The following LRP6 variants were observed in gnomAD, a reference collection of about 807,000 sequenced individuals.
The protein encoded by LRP6 is LDL receptor related protein 6.
Under a neutral mutation model 184.1 loss-of-function variants are expected in LRP6, and 43 were observed. The observed-to-expected ratio is 0.23, with a 90% CI of 0.18 to 0.30. The LOEUF is 0.30. LRP6 is among the 10% of genes least tolerant of loss of function. The pLI, the probability that LRP6 is intolerant of heterozygous loss-of-function variation, is 1.00. For synonymous variants in LRP6, 719 were observed against 684.9 expected (o/e 1.05, Z -0.78); for missense variants, 1,571 against 2,005.3 (o/e 0.78, Z 4.14).
chr12:12,169,281 G>T (rs1226702560), intron 7 of LRP6, among the ~76,000 whole-genome samples: 1 of 151,694 alleles, frequency 6.6e-6, no homozygotes, highest in Non-Finnish European at 1.5e-5. Flanking sequence ...CCCGCAGTGT[G>T]GGACAGACTA....
intron 16 of LRP6, 130 bp from the exon 17 acceptor site, chr12:12,135,430 CT>C (rs893672913): frequency 7.0e-4 from 340 of 485,122 alleles, no homozygotes; most frequent in Non-Finnish European, 7.8e-4. Flanking sequence ...AGCTTGGACT[CT>C]TTTTTTTTAC....
At chr12:12,167,663 G>A (rs1222395998) in intron 7 of LRP6, among the ~76,000 whole-genome samples, 3 of 151,006 alleles carry the variant, frequency 2.0e-5, no homozygotes, top group Non-Finnish European at 3.0e-5. Flanking sequence ...AAGGGACAGC[G>A]CCACTGCCAT....
chr12:12,230,521 C>G (rs1352348943), intron 2 of LRP6, among the ~76,000 whole-genome samples: 1 of 151,918 alleles, frequency 6.6e-6, no homozygotes, highest in Non-Finnish European at 1.5e-5. Context: ...AACTAAGTGA[C>G]CCAGATCTAT....
rs2160525 is a variant in LRP6 at position 12,117,356 on chromosome 12, A to G, written c.*3770T>C. 124,800 of 152,142 alleles carry G rather than the reference A, an allele frequency of 0.82. 51,308 individuals are homozygous for G. The highest frequency in any genetic ancestry group is 0.94 in the East Asian group (4,854 of 5,188). The allele number at this position is 152,142 out of a possible 1,614,324, so 9.4% of individuals were successfully genotyped here. A position where few individuals can be genotyped will look rare whatever the true frequency, so the allele number is the denominator to read the frequency against. ...TCAACACACTCATATCCATACTCTAAATCAACTATGGATGCCATATGTAGA... is the reference window on the plus strand; with the variant it reads ...TCAACACACTCATATCCATACTCTAGATCAACTATGGATGCCATATGTAGA... On this transcript the variant is annotated 3_prime_UTR_variant, in exon 23 of 23. Coordinates refer to ENST00000261349, the MANE Select transcript of LRP6 (RefSeq NM_002336.3).
intron 12 of LRP6, chr12:12,155,502 A>C: frequency 1.2e-6 from 1 of 811,514 alleles, no homozygotes; most frequent in Non-Finnish European, 2.2e-6. Flanking sequence ...AAAAAAGTTA[A>C]GGGCAAGATT....
intron 18 of LRP6, 28 bp downstream of exon 18, chr12:12,131,793 T>G (rs766249701): frequency 6.3e-7 from 1 of 1,576,136 alleles, no homozygotes. Context: ...AAGGATTGCA[T>G]GCTGAGGCAC....
chr12:12,213,428 A>T (rs2137064446), intron 2 of LRP6, among the ~76,000 whole-genome samples: 1 of 152,160 alleles, frequency 6.6e-6, no homozygotes, highest in African/African-American at 2.4e-5. Context: ...ATTAATTTGT[A>T]TGCACTTTTT....
chr12:12,163,142 AT>A (rs1329983552), intron 9 of LRP6, among the ~76,000 whole-genome samples: 55 of 151,782 alleles, frequency 3.6e-4, no homozygotes, highest in African/African-American at 1.2e-3. Context: ...TGACCAGCTA[AT>A]TTTTGTATTT....
At chr12:12,155,278 G>A in intron 12 of LRP6, 1 of 749,292 alleles carries the variant, frequency 1.3e-6, no homozygotes, top group Non-Finnish European at 2.4e-6. Flanking sequence ...AACACAAAGG[G>A]AAAGAGGAGA....
chr12:12,155,309 TAGGCCTTTTAGAA>T, intron 12 of LRP6: 1 of 756,504 alleles, frequency 1.3e-6, no homozygotes, highest in Non-Finnish European at 2.4e-6. Flanking sequence ...ACGTGTTCTC[TAGGCCTTTTAGAA>T]AGCATGGAGT....
At position 12,266,683 on chromosome 12, in the gene LRP6, C is replaced by G; in HGVS notation, c.53G>C (p.Arg18Thr). The G allele has an allele frequency of 6.2e-7, 1 of 1,613,558 alleles. No homozygotes were observed. Among genetic ancestry groups the G allele is most frequent in the Non-Finnish European group, 8.5e-7 (1 of 1,179,802 alleles). The change falls in exon 1 of 23, where the codon AGA becomes ACA. Residue 18 changes from arginine (R) to threonine (T), a missense_variant and splice_region_variant. Arg to Thr is a moderately conservative substitution (Grantham distance 71). Coordinates refer to ENST00000261349, the MANE Select transcript of LRP6 (RefSeq NM_002336.3). ...LLACSFCVLLRAAPLLLYANR... is the reference protein window; with the variant it reads ...LLACSFCVLLTAAPLLLYANR... ...TCCAGTGCCCCCACTCTTCCCACCT[C>G]TCAGGAGCACACAGAAGCTGCAGGC...
chr12:12,223,055 C>G (rs1864531927), intron 2 of LRP6, among the ~76,000 whole-genome samples: 1 of 151,898 alleles, frequency 6.6e-6, no homozygotes, highest in Non-Finnish European at 1.5e-5. Flanking sequence ...AATCATCCTC[C>G]CAGACTATGT....
At position 12,186,634 on chromosome 12, in the gene LRP6, T is replaced by C. The variant is rs111972109; in HGVS notation, c.844+289A>G. Among the ~76,000 whole-genome samples, 5,817 of 149,374 alleles carry C rather than the reference T, an allele frequency of 0.039. 368 individuals are homozygous for C. Among genetic ancestry groups the C allele is most frequent in the African/African-American group, 0.14 (5,537 of 40,614 alleles). ...ACCTCATATGATCTGCCTGCTTCAGTCTCCCAAAGTGCTGGGATTTTAACT... is the reference window on the plus strand; with the variant it reads ...ACCTCATATGATCTGCCTGCTTCAGCCTCCCAAAGTGCTGGGATTTTAACT... On this transcript the variant is annotated intron_variant, in intron 4 of 22. Transcript: ENST00000261349.
intron 12 of LRP6, among the ~76,000 whole-genome samples, chr12:12,153,376 C>A (rs1298854546): frequency 2.0e-5 from 3 of 152,042 alleles, no homozygotes; most frequent in African/African-American, 7.2e-5. Context: ...TATTTTCTTG[C>A]CTGGGAAGCA....
At chr12:12,184,133 G>T in intron 4 of LRP6, 22 bp from the exon 5 acceptor site, 2 of 1,606,998 alleles carry the variant, frequency 1.2e-6, no homozygotes, top group South Asian at 2.2e-5. Flanking sequence ...AAATCACATT[G>T]ATTAATATCA....
intron 2 of LRP6, among the ~76,000 whole-genome samples, chr12:12,209,654 G>C (rs975367096): frequency 1.3e-5 from 2 of 152,092 alleles, no homozygotes; most frequent in Non-Finnish European, 2.9e-5. Context: ...CCGAAAAAGC[G>C]ATTAGGACAC....
At chr12:12,134,126 G>T (rs559383037) in intron 17 of LRP6, among the ~76,000 whole-genome samples, 1 of 151,936 alleles carries the variant, frequency 6.6e-6, no homozygotes, top group Non-Finnish European at 1.5e-5. Flanking sequence ...ATAGTTCGAC[G>T]AATAAAATTT....
intron 1 of LRP6, among the ~76,000 whole-genome samples, chr12:12,261,840 TACA>T (rs956685737): frequency 6.6e-6 from 1 of 152,178 alleles, no homozygotes; most frequent in African/African-American, 2.4e-5. Context: ...GGATCGCTTC[TACA>T]GAAATACAAG....
chr12:12,208,570 A>G (rs1006714922), intron 2 of LRP6, among the ~76,000 whole-genome samples: 1 of 152,220 alleles, frequency 6.6e-6, no homozygotes, highest in African/African-American at 2.4e-5. Flanking sequence ...CAGAGTTTGT[A>G]GATAAACTAT....
Sources: gnomAD v4.1 joint callset for allele counts (sites outside exome capture counted in the v4.1 genomes callset) on GRCh38, gnomAD v4.1.1 for gene constraint, MANE v1.5 for transcripts, NCBI Gene and HGNC (gene_info 2026-07-23, HGNC 2026-07-21) for gene names.